The following CCDC148 variants were observed in gnomAD, a reference collection of about 807,000 sequenced individuals.
CCDC148 encodes coiled-coil domain containing 148.
In CCDC148, 89 loss-of-function variants were observed where a neutral mutation model predicts 85.7. The observed-to-expected ratio is 1.04, with a 90% CI of 0.87 to 1.24. The LOEUF (loss-of-function observed/expected upper bound fraction) is 1.24, where lower values mean the gene tolerates loss of function less well. Among genes scored for constraint, CCDC148 ranks in the 50% most tolerant of loss-of-function variants. The pLI is 0.00. For synonymous variants in CCDC148, 230 were observed against 213.9 expected, an observed-to-expected ratio of 1.08 and a Z score of -0.66; for missense variants, 692 against 671.7, an observed-to-expected ratio of 1.03 and a Z score of -0.33.
chr2:158,351,696 AGG>A (rs1683304224), intron 2 of CCDC148, among the ~76,000 whole-genome samples: 1 of 151,934 alleles, frequency 6.6e-6, no homozygotes, highest in Non-Finnish European at 1.5e-5. Flanking sequence ...CAAAGCAGCC[AGG>A]AAGCTCCAAC....
In CCDC148 at chr2:158,176,523, G is replaced by T; in HGVS notation, c.1627C>A (p.Gln543Lys). ...LFTLNTYNEQ[Q>K]IISDPRLRFE... ...GTCATGCTAATTTCCATAATTACCT[G>T]CTGTTCATTGTATGTATTCAATGTG... The change falls in exon 13 of 14, where the codon CAG becomes AAG. Residue 543 changes from glutamine to lysine, a missense_variant and splice_region_variant. Gln to Lys is a moderately conservative substitution (Grantham distance 53). Coordinates refer to ENST00000283233, the MANE Select transcript of CCDC148 (RefSeq NM_138803.4). The T allele has an allele frequency of 6.2e-7, 1 of 1,610,242 alleles. No individual in the cohort carries two copies. Among genetic ancestry groups the T allele is most frequent in the Non-Finnish European group, 8.5e-7 (1 of 1,177,550 alleles).
intron 2 of CCDC148, among the ~76,000 whole-genome samples, chr2:158,348,434 CTA>C (rs757080964): frequency 5.5e-4 from 67 of 121,452 alleles, no homozygotes; most frequent in Non-Finnish European, 9.4e-4. Context: ...AGGAGCAAAT[CTA>C]CAAAAAAAAA....
At chr2:158,187,170 G>A (rs140294618) in intron 11 of CCDC148, among the ~76,000 whole-genome samples, 118 of 151,972 alleles carry the variant, frequency 7.8e-4, no homozygotes, top group African/African-American at 2.6e-3. Context: ...ATGCTTTGCC[G>A]CTTCCAACCT....
intron 10 of CCDC148, among the ~76,000 whole-genome samples, chr2:158,248,834 C>T (rs1243130150): frequency 6.6e-6 from 1 of 152,050 alleles, no homozygotes; most frequent in African/African-American, 2.4e-5. Context: ...GCCTAAGTGT[C>T]CTTGTTTTAA....
At chr2:158,378,550 G>A (rs1341130589) in intron 1 of CCDC148, among the ~76,000 whole-genome samples, 1 of 152,150 alleles carries the variant, frequency 6.6e-6, no homozygotes, top group East Asian at 1.9e-4. Flanking sequence ...TATGCTGAAA[G>A]AAAATGCCAT....
At chr2:158,221,823 T>C (rs1687198911) in intron 10 of CCDC148, among the ~76,000 whole-genome samples, 1 of 152,020 alleles carries the variant, frequency 6.6e-6, no homozygotes. Context: ...ACTGCAGAGA[T>C]GACAGAGCTC....
intron 1 of CCDC148, among the ~76,000 whole-genome samples, chr2:158,443,906 T>C (rs1283621022): frequency 1.3e-5 from 2 of 152,198 alleles, no homozygotes; most frequent in Non-Finnish European, 2.9e-5. Context: ...ACACAATTTA[T>C]CAGCTTTTAA....
At chr2:158,269,413 C>T (rs1689605546) in intron 9 of CCDC148, among the ~76,000 whole-genome samples, 1 of 152,138 alleles carries the variant, frequency 6.6e-6, no homozygotes, top group Admixed American at 6.6e-5. Context: ...AGCAACTCAA[C>T]CTTATCTCAC....
At chr2:158,441,295 G>A (rs1687920672) in intron 1 of CCDC148, among the ~76,000 whole-genome samples, 1 of 151,946 alleles carries the variant, frequency 6.6e-6, no homozygotes, top group South Asian at 2.1e-4. Context: ...TATTTCTAGG[G>A]CTGCCAATTT....
At chr2:158,188,752 A>G (rs992911427) in intron 11 of CCDC148, among the ~76,000 whole-genome samples, 1 of 152,076 alleles carries the variant, frequency 6.6e-6, no homozygotes, top group South Asian at 2.1e-4. Flanking sequence ...GACCTAATTA[A>G]ACTAAAGAGC....
At chr2:158,390,504 C>T (rs575652847) in intron 1 of CCDC148, among the ~76,000 whole-genome samples, 5 of 152,214 alleles carry the variant, frequency 3.3e-5, no homozygotes, top group East Asian at 3.9e-4. Flanking sequence ...TTCTGAAACT[C>T]GTTTTAAATA....
At chr2:158,409,742 G>T (rs1559126450) in intron 1 of CCDC148, among the ~76,000 whole-genome samples, 1 of 152,132 alleles carries the variant, frequency 6.6e-6, no homozygotes, top group Non-Finnish European at 1.5e-5. Flanking sequence ...CATGAGATTT[G>T]GCAGGGGACA....
At chr2:158,202,008 A>G (rs1432167967) in intron 11 of CCDC148, among the ~76,000 whole-genome samples, 1 of 152,014 alleles carries the variant, frequency 6.6e-6, no homozygotes, top group East Asian at 1.9e-4. Context: ...GTGAAGGTAG[A>G]GAGAGAGAGT....
intron 9 of CCDC148, among the ~76,000 whole-genome samples, chr2:158,290,521 C>G (rs1690840213): frequency 6.6e-6 from 1 of 152,156 alleles, no homozygotes; most frequent in South Asian, 2.1e-4. Flanking sequence ...GAATACACCT[C>G]CCCTAGAATT....
At position 158,312,598 on chromosome 2, in the gene CCDC148, C is replaced by A. The variant is rs13428437; in HGVS notation, c.903+1158G>T. On this transcript the variant is annotated intron_variant, in intron 8 of 13. Transcript: ENST00000283233. ...CATCTCAAAAAAAAAAAAAAAAAAA[C>A]CAAAAAACAAAAAAGTAAATGTAAA... 1.2e-3 allele frequency among the ~76,000 whole-genome samples: 152 copies of A among 121,644 alleles called. 5 individuals carry two copies. Among genetic ancestry groups the A allele is most frequent in the East Asian group, 3.5e-3 (14 of 3,992 alleles). 79.8% of individuals were successfully genotyped at this position (121,644 alleles called of 152,430 possible). A position where few individuals can be genotyped will look rare whatever the true frequency, so the allele number is the denominator to read the frequency against.
At chr2:158,237,279 T>A (rs1226444012) in intron 10 of CCDC148, among the ~76,000 whole-genome samples, 1 of 152,184 alleles carries the variant, frequency 6.6e-6, no homozygotes, top group African/African-American at 2.4e-5. Context: ...TTCTAGATTC[T>A]ATTCTGAGTA....
At chr2:158,455,095 TA>T (rs1688560047) in intron 1 of CCDC148, among the ~76,000 whole-genome samples, 1 of 152,238 alleles carries the variant, frequency 6.6e-6, no homozygotes, top group Non-Finnish European at 1.5e-5. Flanking sequence ...TATTGAAATT[TA>T]AAAGAAGCAA....
At chr2:158,381,172 G>GAGCC (rs1480874699) in intron 1 of CCDC148, among the ~76,000 whole-genome samples, 3 of 152,082 alleles carry the variant, frequency 2.0e-5, no homozygotes, top group Non-Finnish European at 4.4e-5. Context: ...AGTGAAAAGG[G>GAGCC]AGCCTGAAGA....
chr2:158,428,080 C>T (rs947818063), intron 1 of CCDC148, among the ~76,000 whole-genome samples: 2 of 152,078 alleles, frequency 1.3e-5, no homozygotes, highest in Non-Finnish European at 2.9e-5. Flanking sequence ...GGCTGACATG[C>T]TCAGATCTGA....
Sources: allele counts gnomAD v4.1 joint callset (sites outside exome capture counted in the v4.1 genomes callset), GRCh38; gene constraint gnomAD v4.1.1; transcripts MANE v1.5; gene names NCBI Gene and HGNC (gene_info 2026-07-23, HGNC 2026-07-21).